The following CRPPA variants were observed in gnomAD, a reference collection of about 807,000 sequenced individuals.
CRPPA encodes the protein CDP-L-ribitol pyrophosphorylase A.
In CRPPA, 43 loss-of-function variants were observed where a neutral mutation model predicts 52.0. The observed-to-expected ratio is 0.83, with a 90% CI of 0.65 to 1.07. The LOEUF is 1.07. Among genes scored for constraint, CRPPA ranks in the 50% least tolerant of loss-of-function variants. CRPPA has a pLI of 0.00. For missense variants in CRPPA, 629 were observed against 551.7 expected (o/e 1.14, Z -1.40); for synonymous variants, 250 against 203.5 (o/e 1.23, Z -1.94).
In CRPPA at chr7:16,278,261, C is replaced by G. The variant is rs1245657838; in HGVS notation, c.836-35G>C. On this transcript the variant is annotated intron_variant, in intron 5 of 9. Coordinates refer to ENST00000407010, the MANE Select transcript of CRPPA (RefSeq NM_001101426.4). ...AAAAAAAAAAGTTTTAAGTTTCAAA[C>G]AAAACATGTAACAAGGCCCTAGGAT... The G allele has an allele frequency of 3.6e-6, 4 of 1,105,486 alleles. No homozygotes were observed. In the East Asian group the frequency reaches 9.8e-5, roughly 27 times the overall value. 68.5% of individuals were successfully genotyped at this position (1,105,486 alleles called of 1,614,324 possible).
At chr7:16,324,223 G>A (rs1287755674) in intron 3 of CRPPA, among the ~76,000 whole-genome samples, 1 of 152,202 alleles carries the variant, frequency 6.6e-6, no homozygotes, top group Non-Finnish European at 1.5e-5. Context: ...CTCACTGGCT[G>A]AGAGCTAAGA....
chr7:16,195,824 C>G (rs888901485), intron 9 of CRPPA, among the ~76,000 whole-genome samples: 7 of 152,090 alleles, frequency 4.6e-5, no homozygotes, highest in African/African-American at 1.7e-4. Context: ...TCCAGAAGAA[C>G]TGATAATAAA....
At chr7:16,200,718 C>T (rs1200199241) in intron 9 of CRPPA, among the ~76,000 whole-genome samples, 5 of 152,170 alleles carry the variant, frequency 3.3e-5, no homozygotes, top group Admixed American at 6.5e-5. Context: ...ACATTGTGTA[C>T]ATTTAAATGC....
chr7:16,355,066 C>T (rs749383179), intron 3 of CRPPA, among the ~76,000 whole-genome samples: 1 of 152,132 alleles, frequency 6.6e-6, no homozygotes, highest in Non-Finnish European at 1.5e-5. Flanking sequence ...GTAACTGTAT[C>T]TTTTATAAGC....
At chr7:16,400,056 T>C (rs931544094) in intron 2 of CRPPA, among the ~76,000 whole-genome samples, 1 of 152,080 alleles carries the variant, frequency 6.6e-6, no homozygotes, top group African/African-American at 2.4e-5. Flanking sequence ...CAACACGTGA[T>C]TGGCACGTGA....
chr7:16,277,992 A>C, intron 6 of CRPPA, 137 bp downstream of exon 6: 1 of 638,716 alleles, frequency 1.6e-6, no homozygotes, highest in Non-Finnish European at 2.8e-6. Context: ...TGGCAGACCA[A>C]AGGATCTCAT....
At chr7:16,128,234 T>C (rs1373876944) in intron 9 of CRPPA, among the ~76,000 whole-genome samples, 4 of 152,156 alleles carry the variant, frequency 2.6e-5, no homozygotes, top group Admixed American at 6.5e-5. Flanking sequence ...TTTACCTATA[T>C]AGCAAACCTG....
intron 8 of CRPPA, among the ~76,000 whole-genome samples, chr7:16,235,176 A>G (rs1396064100): frequency 6.6e-6 from 1 of 152,120 alleles, no homozygotes; most frequent in East Asian, 1.9e-4. Context: ...GCTCATTTGG[A>G]AACAAAAGAG....
At chr7:16,366,888 T>C (rs1786608184) in intron 3 of CRPPA, among the ~76,000 whole-genome samples, 1 of 151,942 alleles carries the variant, frequency 6.6e-6, no homozygotes, top group African/African-American at 2.4e-5. Flanking sequence ...AGATTGTCAA[T>C]TTACTTCCTC....
At chr7:16,129,931 A>T (rs949951630) in intron 9 of CRPPA, among the ~76,000 whole-genome samples, 1 of 152,192 alleles carries the variant, frequency 6.6e-6, no homozygotes, top group Non-Finnish European at 1.5e-5. Context: ...TCCAACTCAC[A>T]GGATTCATTC....
intron 3 of CRPPA, among the ~76,000 whole-genome samples, chr7:16,361,947 C>T (rs1396937396): frequency 2.0e-5 from 3 of 152,118 alleles, no homozygotes; most frequent in African/African-American, 2.4e-5. Flanking sequence ...CTCCACCTCC[C>T]GGGTTCACGC....
chr7:16,358,545 A>T (rs1398339320), intron 3 of CRPPA, among the ~76,000 whole-genome samples: 1 of 152,116 alleles, frequency 6.6e-6, no homozygotes, highest in African/African-American at 2.4e-5. Flanking sequence ...TATATATCAC[A>T]GTTTATAATT....
At chr7:16,402,253 T>G (rs1434580500) in intron 2 of CRPPA, among the ~76,000 whole-genome samples, 1 of 152,222 alleles carries the variant, frequency 6.6e-6, no homozygotes, top group Non-Finnish European at 1.5e-5. Flanking sequence ...TGGTTTCATG[T>G]GAGTTTGGAG....
intron 3 of CRPPA, among the ~76,000 whole-genome samples, chr7:16,355,144 G>A (rs769139304): frequency 2.0e-5 from 3 of 152,070 alleles, no homozygotes; most frequent in African/African-American, 2.4e-5. Context: ...AACCTAACAG[G>A]TATTGTAATC....
At chr7:16,241,352 G>A (rs1783102322) in intron 8 of CRPPA, among the ~76,000 whole-genome samples, 1 of 151,852 alleles carries the variant, frequency 6.6e-6, no homozygotes, top group African/African-American at 2.4e-5. Flanking sequence ...ATTCCCCCTG[G>A]TAATTTATGC....
At chr7:16,282,480 A>T (rs1452034026) in intron 5 of CRPPA, among the ~76,000 whole-genome samples, 2 of 152,106 alleles carry the variant, frequency 1.3e-5, no homozygotes, top group Non-Finnish European at 2.9e-5. Context: ...GAAGGAGAAG[A>T]AAGGGTGACG....
chr7:16,355,702 C>T (rs1168548598), intron 3 of CRPPA, among the ~76,000 whole-genome samples: 4 of 152,166 alleles, frequency 2.6e-5, no homozygotes, highest in Non-Finnish European at 5.9e-5. Flanking sequence ...ATGTTGGACT[C>T]CCAACATCCT....
rs761713653 is a variant in CRPPA, at chr7:16,259,089, A to G, written c.934-77T>C. ...ACATCTTTGTTACAAAGGAACACAT[A>G]ATTGCTAGAAGGCCCATAAAGCCAA... On this transcript the variant is annotated intron_variant, in intron 6 of 9. Coordinates refer to ENST00000407010, the MANE Select transcript of CRPPA (RefSeq NM_001101426.4). The G allele has an allele frequency of 5.5e-4, 548 of 991,894 alleles. 2 individuals carry two copies. The highest frequency in any genetic ancestry group is 7.6e-4 in the Non-Finnish European group (505 of 667,674). The allele number at this position is 991,894 out of a possible 1,614,324, so 61.4% of individuals were successfully genotyped here.
At chr7:16,350,915 T>C (rs1345772728) in intron 3 of CRPPA, among the ~76,000 whole-genome samples, 5 of 152,030 alleles carry the variant, frequency 3.3e-5, no homozygotes, top group Non-Finnish European at 5.9e-5. Flanking sequence ...ATACATTCCA[T>C]GCAAATGGAA....
Sources: gnomAD v4.1 joint callset for allele counts (sites outside exome capture counted in the v4.1 genomes callset) on GRCh38, gnomAD v4.1.1 for gene constraint, MANE v1.5 for transcripts, NCBI Gene and HGNC (gene_info 2026-07-23, HGNC 2026-07-21) for gene names.